RBFOX1: variants seen among roughly 807,000 people sequenced by gnomAD.
The protein encoded by RBFOX1 is RNA binding protein fox-1 homolog 1.
A neutral mutation model predicts 57.7 loss-of-function variants in RBFOX1; 8 were observed. That is an observed-to-expected ratio of 0.14 (90% confidence interval 0.08 to 0.25). RBFOX1 has a LOEUF of 0.25. Ranked by LOEUF, RBFOX1 falls within the 10% of genes least tolerant of loss-of-function variation. RBFOX1 has a pLI of 1.00. For missense variants in RBFOX1, 611 were observed against 548.5 expected (o/e 1.11, Z -1.14); for synonymous variants, 326 against 222.4 (o/e 1.47, Z -4.15).
intron 1 of RBFOX1, among the ~76,000 whole-genome samples, chr16:5,333,327 G>T (rs758201767): frequency 6.6e-6 from 1 of 152,202 alleles, no homozygotes; most frequent in Admixed American, 6.5e-5. Flanking sequence ...ACATGGTCAC[G>T]CCCATTCGTT....
chr16:5,309,007 C>G (rs920932583), intron 1 of RBFOX1, among the ~76,000 whole-genome samples: 2 of 152,066 alleles, frequency 1.3e-5, no homozygotes, highest in Non-Finnish European at 2.9e-5. Flanking sequence ...TGGCTGATCC[C>G]TTTCCTTTCT....
intron 1 of RBFOX1, among the ~76,000 whole-genome samples, chr16:5,387,517 A>G (rs2066289394): frequency 6.6e-6 from 1 of 152,158 alleles, no homozygotes; most frequent in Non-Finnish European, 1.5e-5. Context: ...GAGATAGTAG[A>G]ATTGATGTGA....
intron 1 of RBFOX1, among the ~76,000 whole-genome samples, chr16:5,272,946 T>C (rs539755111): frequency 4.1e-4 from 63 of 152,326 alleles, no homozygotes; most frequent in Non-Finnish European, 7.9e-4. Context: ...GTTCCAGATT[T>C]ATGTGGATGT....
At chr16:6,221,415 C>G (rs1289171519) in intron 1 of RBFOX1, among the ~76,000 whole-genome samples, 1 of 152,162 alleles carries the variant, frequency 6.6e-6, no homozygotes, top group Non-Finnish European at 1.5e-5. Flanking sequence ...AACAATTCAG[C>G]TGCCCAGATA....
intron 2 of RBFOX1, among the ~76,000 whole-genome samples, chr16:6,593,454 C>T (rs910523664): frequency 1.3e-5 from 2 of 152,114 alleles, no homozygotes; most frequent in African/African-American, 4.8e-5. Context: ...TGGTGATCGC[C>T]TCTTTTTGAT....
chr16:6,483,856 G>T, intron 2 of RBFOX1: 1 of 1,200,322 alleles, frequency 8.3e-7, no homozygotes, highest in Middle Eastern at 3.4e-4. Flanking sequence ...TGGAATCCGG[G>T]AAACCCAAAC....
chr16:5,479,210 C>G (rs1486472490), intron 2 of RBFOX1, among the ~76,000 whole-genome samples: 2 of 152,120 alleles, frequency 1.3e-5, no homozygotes, highest in Non-Finnish European at 2.9e-5. Context: ...TCCTTCATGG[C>G]CCTTGTCAAA....
intron 4 of RBFOX1, among the ~76,000 whole-genome samples, chr16:5,982,596 C>A (rs1444570494): frequency 6.6e-6 from 1 of 152,122 alleles, no homozygotes; most frequent in Non-Finnish European, 1.5e-5. Context: ...TTTTTAAAAG[C>A]CCTCTCATAC....
At chr16:5,424,870 CTTT>C (rs1204007994) in intron 1 of RBFOX1, among the ~76,000 whole-genome samples, 12 of 125,044 alleles carry the variant, frequency 9.6e-5, no homozygotes, top group East Asian at 2.4e-4. Flanking sequence ...TTCTTTCTTT[CTTT>C]TTTTTCTTTC....
At chr16:5,434,745 C>T (rs1268805673) in intron 1 of RBFOX1, among the ~76,000 whole-genome samples, 1 of 152,258 alleles carries the variant, frequency 6.6e-6, no homozygotes, top group Non-Finnish European at 1.5e-5. Context: ...ATTTGCAATA[C>T]CTTGTCCTTT....
intron 5 of RBFOX1, among the ~76,000 whole-genome samples, chr16:7,553,939 A>T (rs1407077272): frequency 2.0e-5 from 3 of 152,206 alleles, no homozygotes; most frequent in African/African-American, 7.2e-5. Context: ...GGCTCTATAC[A>T]TTAGGATTAA....
chr16:6,297,938 C>T (rs2078325780), intron 1 of RBFOX1, among the ~76,000 whole-genome samples: 2 of 152,220 alleles, frequency 1.3e-5, no homozygotes. Flanking sequence ...CTCAATAAAA[C>T]ACCTGCATTC....
At chr16:6,271,896 T>C (rs113416804) in intron 1 of RBFOX1, among the ~76,000 whole-genome samples, 1 of 152,146 alleles carries the variant, frequency 6.6e-6, no homozygotes, top group Admixed American at 6.5e-5. Context: ...ACCAAGTCCA[T>C]ATATCCTCTT....
At chr16:6,702,780 A>G (rs547317093) in intron 3 of RBFOX1, among the ~76,000 whole-genome samples, 3 of 152,354 alleles carry the variant, frequency 2.0e-5, no homozygotes, top group East Asian at 3.9e-4. Flanking sequence ...GACATAACAT[A>G]AAATGTACCA....
intron 1 of RBFOX1, among the ~76,000 whole-genome samples, chr16:5,419,634 C>G (rs2067255201): frequency 1.3e-5 from 2 of 151,974 alleles, no homozygotes; most frequent in African/African-American, 4.8e-5. Flanking sequence ...TCCCATGTCC[C>G]AAATCCTCAG....
intron 2 of RBFOX1, among the ~76,000 whole-genome samples, chr16:6,484,571 G>A (rs1014587803): frequency 6.6e-6 from 1 of 152,138 alleles, no homozygotes; most frequent in African/African-American, 2.4e-5. Flanking sequence ...TATATACAGA[G>A]TGTCGAATGT....
chr16:7,709,504 C>G (rs1055495268), intron 15 of RBFOX1: 4 of 1,514,116 alleles, frequency 2.6e-6, no homozygotes, highest in Non-Finnish European at 2.6e-6. Flanking sequence ...CCCCAAGGTT[C>G]CAGCCCCAGC....
intron 1 of RBFOX1, among the ~76,000 whole-genome samples, chr16:6,148,623 C>T (rs1415749460): frequency 6.6e-6 from 1 of 152,158 alleles, no homozygotes; most frequent in Non-Finnish European, 1.5e-5. Flanking sequence ...GGCTACCTCA[C>T]CGAGTGACTG....
intron 3 of RBFOX1, among the ~76,000 whole-genome samples, chr16:7,010,103 G>A (rs184756013): frequency 1.4e-4 from 21 of 152,310 alleles, no homozygotes; most frequent in Admixed American, 1.0e-3. Context: ...GTTTGCCTAA[G>A]GGCATGAACT....
Sources: allele counts gnomAD v4.1 joint callset (sites outside exome capture counted in the v4.1 genomes callset), GRCh38; gene constraint gnomAD v4.1.1; transcripts MANE v1.5; gene names NCBI Gene and HGNC (gene_info 2026-07-23, HGNC 2026-07-21).